FBXL4: variants seen among roughly 807,000 people sequenced by gnomAD.
FBXL4 encodes the protein F-box/LRR-repeat protein 4.
FBXL4 carries 40 observed loss-of-function variants against 58.9 expected under a neutral mutation model. That is an observed-to-expected ratio of 0.68 (90% CI 0.53 to 0.88). The LOEUF (loss-of-function observed/expected upper bound fraction) is 0.88, where lower values mean the gene tolerates loss of function less well. FBXL4 is among the 40% of genes least tolerant of loss of function. The probability of loss-of-function intolerance (pLI) is 0.00; values close to 1 mark genes in which losing one functional copy is unlikely to be tolerated. For synonymous variants in FBXL4, 263 were observed against 265.5 expected (o/e 0.99, Z 0.09); for missense variants, 676 against 734.4 (o/e 0.92, Z 0.92).
At chr6:98,882,663 T>C (rs938958611) in intron 7 of FBXL4, among the ~76,000 whole-genome samples, 3 of 152,060 alleles carry the variant, frequency 2.0e-5, no homozygotes, top group African/African-American at 7.2e-5. Flanking sequence ...ACTACATTTT[T>C]GTATCCCTCC....
At chr6:98,913,007 A>C (rs1772160749) in intron 5 of FBXL4, among the ~76,000 whole-genome samples, 1 of 152,008 alleles carries the variant, frequency 6.6e-6, no homozygotes, top group African/African-American at 2.4e-5. Flanking sequence ...GGAAAACAAA[A>C]AAAGGCAGGG....
At chr6:98,886,132 G>A (rs548995463) in intron 7 of FBXL4, among the ~76,000 whole-genome samples, 2 of 152,192 alleles carry the variant, frequency 1.3e-5, no homozygotes, top group Non-Finnish European at 2.9e-5. Context: ...CTGACCCACA[G>A]AAAACGTGTG....
chr6:98,886,588 A>G (rs72627753), intron 7 of FBXL4, among the ~76,000 whole-genome samples: 3,178 of 152,236 alleles, frequency 0.021, 174 homozygotes, highest in East Asian at 0.19. Flanking sequence ...TTGAACTGCC[A>G]TCTCCTGACC....
Position 98,881,277 on chromosome 6 carries a change from T to C in FBXL4, c.1318-653A>G, listed in dbSNP as rs190909071. Among the ~76,000 whole-genome samples the C allele has an allele frequency of 5.3e-5, 8 of 152,288 alleles. No homozygotes were observed. In the East Asian group the frequency reaches 1.5e-3, roughly 29 times the overall value. ...TCTATCCTGTGCAATGAAAATGGTC[T>C]CACCACTAAAGAAACCCAAAGACTG... On this transcript the variant is annotated intron_variant, in intron 7 of 9. Coordinates refer to ENST00000369244, the MANE Select transcript of FBXL4 (RefSeq NM_001278716.2).
At position 98,869,654 on chromosome 6, in the gene FBXL4, CATAA is replaced by C. The variant is rs1770444127; in HGVS notation, c.*4620_*4623del. The stretch of plus-strand genomic sequence containing the variant: ...CAAATATGTAACACACACATACATA[CATAA>C]ATATATACACACATACATGGTAGCC... On this transcript the variant is annotated 3_prime_UTR_variant, in exon 10 of 10. Coordinates refer to ENST00000369244, the MANE Select transcript of FBXL4 (RefSeq NM_001278716.2). 6.6e-6 allele frequency: 1 copy of C among 152,072 alleles called. No individual in the cohort carries two copies. The highest frequency in any genetic ancestry group is 2.1e-4 in the South Asian group (1 of 4,828). 9.4% of individuals were successfully genotyped at this position (152,072 alleles called of 1,614,324 possible). A position where few individuals can be genotyped will look rare whatever the true frequency, so the allele number is the denominator to read the frequency against.
intron 1 of FBXL4, among the ~76,000 whole-genome samples, chr6:98,940,497 T>G (rs1049770937): frequency 6.6e-6 from 1 of 152,212 alleles, no homozygotes; most frequent in African/African-American, 2.4e-5. Context: ...TCCATTCTAG[T>G]GGGTGGGTGG....
chr6:98,912,885 T>C (rs554726404), intron 5 of FBXL4, among the ~76,000 whole-genome samples: 10 of 152,002 alleles, frequency 6.6e-5, no homozygotes, highest in South Asian at 2.1e-4. Context: ...GACTGGCAAA[T>C]TGGATAAAGA....
In FBXL4 at chr6:98,917,456, A is replaced by G. The variant is rs376909719; in HGVS notation, c.776T>C (p.Met259Thr). 15 of 1,613,962 alleles carry G rather than the reference A, an allele frequency of 9.3e-6. No individual in the cohort carries two copies. Among genetic ancestry groups the G allele is most frequent in the African/African-American group, 5.3e-5 (4 of 74,932 alleles). ...DAYAEKDGCG[M>T]DSLNKKFSSA... ...GCTAAACTTTTTGTTAAGACTGTCCATTCCACAACCATCCTTTTCTGCATA... is the reference window on the plus strand; with the variant it reads ...GCTAAACTTTTTGTTAAGACTGTCCGTTCCACAACCATCCTTTTCTGCATA... Residue 259 changes from methionine (M) to threonine (T), a missense_variant, in exon 5 of 10, where the codon ATG (methionine) becomes ACG (threonine). Coordinates refer to ENST00000369244, the MANE Select transcript of FBXL4 (RefSeq NM_001278716.2).
At chr6:98,927,657 G>C (rs1261712970) in intron 3 of FBXL4, 48 bp downstream of exon 3, 1 of 152,192 alleles carries the variant, frequency 6.6e-6, no homozygotes, top group Non-Finnish European at 1.5e-5. Flanking sequence ...GCAGTCCATG[G>C]CTGGCTGGCA....
At chr6:98,896,276 T>G in intron 7 of FBXL4, among the ~76,000 whole-genome samples, 1 of 152,164 alleles carries the variant, frequency 6.6e-6, no homozygotes, top group East Asian at 1.9e-4. Context: ...AAGGAGTGTG[T>G]GTATCAAAGG....
chr6:98,874,898 T>C (rs190227367), intron 9 of FBXL4, among the ~76,000 whole-genome samples: 2 of 152,332 alleles, frequency 1.3e-5, no homozygotes, highest in East Asian at 1.9e-4. Context: ...TTACACAGGG[T>C]TCCTTTCTGA....
intron 4 of FBXL4, among the ~76,000 whole-genome samples, chr6:98,925,841 G>A (rs935553081): frequency 1.3e-5 from 2 of 152,156 alleles, no homozygotes; most frequent in South Asian, 2.1e-4. Context: ...TGGTTTCTTC[G>A]AGGGAGGAAT....
chr6:98,945,403 T>C (rs1773584340), intron 1 of FBXL4, among the ~76,000 whole-genome samples: 1 of 152,196 alleles, frequency 6.6e-6, no homozygotes. Context: ...TTATAGATGG[T>C]ACACTGCCAT....
chr6:98,917,760 G>T, intron 4 of FBXL4, 41 bp from the exon 5 acceptor site: 1 of 1,443,686 alleles, frequency 6.9e-7, no homozygotes, highest in Non-Finnish European at 9.4e-7. Context: ...AGTTTAGAAT[G>T]AGATCTACTG....
chr6:98,946,389 A>C (rs1414122189), intron 1 of FBXL4, among the ~76,000 whole-genome samples: 1 of 152,256 alleles, frequency 6.6e-6, no homozygotes, highest in East Asian at 1.9e-4. Flanking sequence ...GGATATTTAT[A>C]TACAATTCAT....
intron 7 of FBXL4, among the ~76,000 whole-genome samples, chr6:98,896,164 C>T (rs1280741231): frequency 2.0e-5 from 3 of 152,142 alleles, no homozygotes; most frequent in African/African-American, 7.2e-5. Context: ...TGAGAATATA[C>T]TGCCAGTGAT....
intron 8 of FBXL4, among the ~76,000 whole-genome samples, chr6:98,876,522 T>C (rs1270710878): frequency 6.6e-6 from 1 of 152,244 alleles, no homozygotes; most frequent in African/African-American, 2.4e-5. Flanking sequence ...TTCTTTTGTT[T>C]AATTGTATTT....
At chr6:98,890,459 A>G (rs935506419) in intron 7 of FBXL4, among the ~76,000 whole-genome samples, 1 of 152,248 alleles carries the variant, frequency 6.6e-6, no homozygotes, top group Admixed American at 6.5e-5. Flanking sequence ...TCACTAAATG[A>G]AAATTCATAA....
chr6:98,879,322 T>C (rs763293816), intron 8 of FBXL4, among the ~76,000 whole-genome samples: 11 of 152,144 alleles, frequency 7.2e-5, no homozygotes, highest in Non-Finnish European at 1.3e-4. Context: ...AGAAATGGAA[T>C]GGTCTGGGGA....
Sources: gnomAD v4.1 joint callset for allele counts (sites outside exome capture counted in the v4.1 genomes callset) on GRCh38, gnomAD v4.1.1 for gene constraint, MANE v1.5 for transcripts, NCBI Gene and HGNC (gene_info 2026-07-23, HGNC 2026-07-21) for gene names.